The following MAML3 variants were observed in gnomAD, a reference collection of about 807,000 sequenced individuals.
MAML3 encodes the protein mastermind-like protein 3.
In MAML3, 27 loss-of-function variants were observed where a neutral mutation model predicts 101.9. The observed-to-expected ratio is 0.27, with a 90% confidence interval of 0.20 to 0.37. The LOEUF (loss-of-function observed/expected upper bound fraction) is 0.37, where lower values mean the gene tolerates loss of function less well. Ranked by LOEUF, MAML3 falls within the 10% of genes least tolerant of loss-of-function variation. The pLI, the probability that MAML3 is intolerant of heterozygous loss-of-function variation, is 1.00. For missense variants in MAML3, 1,316 were observed against 1,444.9 expected, an observed-to-expected ratio of 0.91 and a Z score of 1.45; for synonymous variants, 501 against 555.9, an observed-to-expected ratio of 0.90 and a Z score of 1.39.
At chr4:140,124,122 TACCTA>T (rs1728650420) in intron 1 of MAML3, among the ~76,000 whole-genome samples, 1 of 152,230 alleles carries the variant, frequency 6.6e-6, no homozygotes, top group Admixed American at 6.5e-5. Flanking sequence ...CAAAATGCCT[TACCTA>T]ACCTTGCCCT....
chr4:139,969,088 G>A (rs1483134376), intron 1 of MAML3, among the ~76,000 whole-genome samples: 1 of 151,898 alleles, frequency 6.6e-6, no homozygotes, highest in African/African-American at 2.4e-5. Context: ...CCAGTGAATG[G>A]GAGACCTGAG....
At chr4:139,973,413 G>A (rs151276432) in intron 1 of MAML3, among the ~76,000 whole-genome samples, 45 of 152,220 alleles carry the variant, frequency 3.0e-4, no homozygotes, top group Non-Finnish European at 4.7e-4. Context: ...TGAATCTATC[G>A]GCGAAGATTA....
intron 2 of MAML3, among the ~76,000 whole-genome samples, chr4:139,787,241 T>C (rs1730323113): frequency 6.6e-6 from 1 of 152,202 alleles, no homozygotes; most frequent in Admixed American, 6.5e-5. Flanking sequence ...TGTAGTTCTG[T>C]GCCCCTTAAT....
At chr4:139,871,933 A>G (rs73854399) in intron 2 of MAML3, among the ~76,000 whole-genome samples, 1,961 of 152,368 alleles carry the variant, frequency 0.013, 52 homozygotes, top group African/African-American at 0.044. Context: ...CAGAGGATTA[A>G]TAAATGTTTT....
chr4:140,036,404 A>G (rs1008506187), intron 1 of MAML3, among the ~76,000 whole-genome samples: 1 of 152,234 alleles, frequency 6.6e-6, no homozygotes, highest in Non-Finnish European at 1.5e-5. Flanking sequence ...AGAATACTAC[A>G]GGGAGGATGA....
chr4:139,763,401 A>G (rs1162465766), intron 2 of MAML3, among the ~76,000 whole-genome samples: 1 of 152,164 alleles, frequency 6.6e-6, no homozygotes, highest in Non-Finnish European at 1.5e-5. Flanking sequence ...TGAGGGGGCC[A>G]TCTGTTTAAG....
At chr4:139,945,235 T>C (rs1481570967) in intron 1 of MAML3, among the ~76,000 whole-genome samples, 1 of 152,204 alleles carries the variant, frequency 6.6e-6, no homozygotes, top group Non-Finnish European at 1.5e-5. Context: ...GGTTCTCAAT[T>C]AAGACTGAAT....
At chr4:139,787,517 T>C (rs958513229) in intron 2 of MAML3, among the ~76,000 whole-genome samples, 3 of 152,238 alleles carry the variant, frequency 2.0e-5, no homozygotes, top group Non-Finnish European at 4.4e-5. Flanking sequence ...TCACTACTTT[T>C]CTAAACAATT....
intron 1 of MAML3, 45 bp downstream of exon 1, chr4:140,152,815 C>G (rs760671765): frequency 6.3e-7 from 1 of 1,580,254 alleles, no homozygotes; most frequent in African/African-American, 1.3e-5. Context: ...ACCACCACCA[C>G]CACCCCCAAC....
chr4:139,837,513 A>T (rs1415363216), intron 2 of MAML3, among the ~76,000 whole-genome samples: 1 of 151,972 alleles, frequency 6.6e-6, no homozygotes, highest in Non-Finnish European at 1.5e-5. Context: ...CCAAACAAAC[A>T]AACACACAAA....
chr4:140,000,346 C>A (rs553369953), intron 1 of MAML3, among the ~76,000 whole-genome samples: 10 of 150,142 alleles, frequency 6.7e-5, no homozygotes, highest in East Asian at 5.9e-4. Flanking sequence ...AAAAAAAAAA[C>A]AACACAGCAC....
At chr4:139,976,679 G>T (rs971960875) in intron 1 of MAML3, among the ~76,000 whole-genome samples, 2 of 152,140 alleles carry the variant, frequency 1.3e-5, no homozygotes, top group African/African-American at 4.8e-5. Context: ...CTACATTTCT[G>T]CAAATTCAAA....
intron 1 of MAML3, among the ~76,000 whole-genome samples, chr4:140,088,977 C>T (rs981951836): frequency 6.6e-6 from 1 of 152,140 alleles, no homozygotes; most frequent in Non-Finnish European, 1.5e-5. Flanking sequence ...TGGTTGAGTG[C>T]TCTAGAATAA....
At position 139,890,113 on chromosome 4, in the gene MAML3, A is replaced by G; in HGVS notation, c.1323T>C (p.Asn441=). 1.2e-6 allele frequency: 2 copies of G among 1,613,834 alleles called. No individual in the cohort carries two copies. Among genetic ancestry groups the G allele is most frequent in the Non-Finnish European group, 1.7e-6 (2 of 1,179,858 alleles). The change falls in exon 2 of 5, where the codon AAT becomes AAC. Residue 441 remains asparagine, a synonymous_variant. Coordinates refer to ENST00000509479, the MANE Select transcript of MAML3 (RefSeq NM_018717.5). This position sits in a 1 kb window ranked among gnomAD's most constrained non-coding sequence, Gnocchi z 4.1. ...AACCGGCCACTGTCACTGCTGCCGGATTCAGGAGATAACCATTTCCAGGCC... is the reference window on the plus strand; with the variant it reads ...AACCGGCCACTGTCACTGCTGCCGGGTTCAGGAGATAACCATTTCCAGGCC... ...PPRPGNGYLL[N]PAAVTVAGSA...
chr4:140,136,817 C>CA (rs1216121051), intron 1 of MAML3, among the ~76,000 whole-genome samples: 2 of 152,146 alleles, frequency 1.3e-5, no homozygotes, highest in Admixed American at 6.5e-5. Flanking sequence ...AAAGATTCCT[C>CA]AAAAAATGAT....
intron 1 of MAML3, among the ~76,000 whole-genome samples, chr4:140,101,675 G>C (rs1421707367): frequency 6.6e-6 from 1 of 152,084 alleles, no homozygotes; most frequent in African/African-American, 2.4e-5. Flanking sequence ...ATACCTCTTA[G>C]ATCAGTGTAA....
chr4:140,154,090 T>C lies in MAML3; in HGVS notation c.-763A>G. On this transcript the variant is annotated 5_prime_UTR_variant, in exon 1 of 5. It removes an upstream start codon present in the reference 5' UTR. Coordinates refer to ENST00000509479, the MANE Select transcript of MAML3 (RefSeq NM_018717.5). ...GCTGCCGCCGCTGCTCCTGCCACCATCACAATGATCAACTGCTCGCCGCCG... is the reference window on the plus strand; with the variant it reads ...GCTGCCGCCGCTGCTCCTGCCACCACCACAATGATCAACTGCTCGCCGCCG... 1.1e-5 allele frequency: 2 copies of C among 177,244 alleles called. No homozygotes were observed. Among genetic ancestry groups the C allele is most frequent in the South Asian group, 9.9e-5 (1 of 10,094 alleles). The allele number at this position is 177,244 out of a possible 1,614,324, so 11.0% of individuals were successfully genotyped here.
At chr4:139,772,821 T>C (rs879423734) in intron 2 of MAML3, among the ~76,000 whole-genome samples, 3 of 150,828 alleles carry the variant, frequency 2.0e-5, no homozygotes, top group Non-Finnish European at 2.9e-5. Context: ...TGCTCACGCC[T>C]GTAATCCCAG....
At chr4:140,142,931 G>C (rs1728999491) in intron 1 of MAML3, among the ~76,000 whole-genome samples, 1 of 152,158 alleles carries the variant, frequency 6.6e-6, no homozygotes, top group Non-Finnish European at 1.5e-5. Flanking sequence ...ACAATGATCT[G>C]CCTCATTTTT....
Sources: allele counts gnomAD v4.1 joint callset (sites outside exome capture counted in the v4.1 genomes callset), GRCh38; gene constraint gnomAD v4.1.1; non-coding constraint Gnocchi (gnomAD v3.1); transcripts MANE v1.5; gene names NCBI Gene and HGNC (gene_info 2026-07-23, HGNC 2026-07-21).